Variants in GAMT observed in about 807,000 individuals in gnomAD.
The protein encoded by GAMT is epididymis secretory protein Li 20.
A neutral mutation model predicts 26.9 loss-of-function variants in GAMT; 26 were observed. That is an observed-to-expected ratio of 0.97 (90% CI 0.71 to 1.34). The LOEUF (loss-of-function observed/expected upper bound fraction) is 1.34. Ranked by LOEUF, GAMT falls within the 40% of genes most tolerant of loss-of-function variation. The pLI, the probability that GAMT is intolerant of heterozygous loss-of-function variation, is 0.00. For missense variants in GAMT, 412 were observed against 345.0 expected (o/e 1.19, Z -1.54); for synonymous variants, 169 against 149.6 (o/e 1.13, Z -0.95).
At position 1,401,342 on chromosome 19, in the gene GAMT, C is replaced by A; in HGVS notation, c.135G>T (p.Trp45Cys). 1.3e-6 allele frequency: 2 copies of A among 1,538,032 alleles called. No homozygotes were observed. Among genetic ancestry groups the A allele is most frequent in the Non-Finnish European group, 1.7e-6 (2 of 1,151,300 alleles). The change falls in exon 1 of 6, where the codon TGG (tryptophan) becomes TGT (cysteine). Residue 45 changes from tryptophan (W) to cysteine (C), a missense_variant. By Grantham distance (215) the Trp-to-Cys change is radical. Transcript: ENST00000252288. ...RILGKPVMER[W>C]ETPYMHALAA... Reference sequence around the variant, plus strand: ...CCAGCGCGTGCATATAGGGGGTCTCCCAGCGCTCCATCACCGGCTTGCCCA... The same window carrying A: ...CCAGCGCGTGCATATAGGGGGTCTCACAGCGCTCCATCACCGGCTTGCCCA...
chr19:1,399,171 AGT>A lies in GAMT; in HGVS notation c.414_415del (p.Ser140GlyfsTer50), dbSNP rs2144636856. ...GTGTGTGTGCCAGGTCTCCTCCGAG[AGT>A]GGGTACGTGTCGTACAGGATCCCTG... is the stretch of plus-strand genomic sequence containing the variant. On this transcript the variant is annotated frameshift_variant, in exon 4 of 6. Coordinates refer to ENST00000252288, the MANE Select transcript of GAMT (RefSeq NM_000156.6). LOFTEE classifies it high-confidence loss of function. The surrounding 1 kb of genome is among the most constrained non-coding windows in gnomAD (Gnocchi z 6.2). The A allele has an allele frequency of 1.2e-6, 2 of 1,613,640 alleles. No homozygotes were observed. Among genetic ancestry groups the A allele is most frequent in the Non-Finnish European group, 1.7e-6 (2 of 1,180,000 alleles).
At position 1,399,440 on chromosome 19, in the gene GAMT, C is replaced by T. The variant is rs367943071; in HGVS notation, c.391+84G>A. Reference sequence around the variant, plus strand: ...ACTTGGGCTCTGTCCCCCCAGTGCACATCAGAGGGACCCCCACAAGCAAAG... The same window carrying T: ...ACTTGGGCTCTGTCCCCCCAGTGCATATCAGAGGGACCCCCACAAGCAAAG... On this transcript the variant is annotated intron_variant, in intron 3 of 5. Coordinates refer to ENST00000252288, the MANE Select transcript of GAMT (RefSeq NM_000156.6). The surrounding 1 kb of genome is among the most constrained non-coding windows in gnomAD (Gnocchi z 6.2). 59 of 1,323,436 alleles carry T rather than the reference C, an allele frequency of 4.5e-5. 2 individuals carry two copies. The South Asian group carries it at 7.4e-4, about 17-fold the overall frequency. The allele number at this position is 1,323,436 out of a possible 1,614,324, so 82.0% of individuals were successfully genotyped here.
chr19:1,399,645 C>T lies in GAMT; in HGVS notation c.328-58G>A. ...GGTAGAGAGGTCCCCAGGATCTCCC[C>T]ACCTGCAGAAAGGGAGCGGCCAGGG... On this transcript the variant is annotated intron_variant, in intron 2 of 5. Coordinates refer to ENST00000252288, the MANE Select transcript of GAMT (RefSeq NM_000156.6). The surrounding 1 kb of genome is among the most constrained non-coding windows in gnomAD (Gnocchi z 6.2). The T allele has an allele frequency of 6.4e-7, 1 of 1,566,442 alleles. No homozygotes were observed. The highest frequency in any genetic ancestry group is 1.8e-5 in the Admixed American group (1 of 56,996).
chr19:1,397,439 C>A lies in GAMT; in HGVS notation c.631G>T (p.Val211Leu). The change falls in exon 6 of 6, where the codon GTG becomes TTG. Residue 211 changes from valine to leucine, a missense_variant. Val to Leu is a conservative substitution (Grantham distance 32). Coordinates refer to ENST00000252288, the MANE Select transcript of GAMT (RefSeq NM_000156.6). ...GFRRENIRTE[V>L]MALVPPADCR... ...TCGGCCGGTGGGACCAGCGCCATCA[C>A]CTCCGTACGGATGTTCTCCCTCCGG... 2 of 1,611,036 alleles carry A rather than the reference C, an allele frequency of 1.2e-6. No homozygotes were observed. Among genetic ancestry groups the A allele is most frequent in the Non-Finnish European group, 1.7e-6 (2 of 1,179,914 alleles).
rs768523522 is a variant in GAMT at position 1,399,552 on chromosome 19, T to A, written c.363A>T (p.Ala121=). The change falls in exon 3 of 6, where the codon GCA becomes GCT. Residue 121 remains alanine, a synonymous_variant. Transcript: ENST00000252288. This position sits in a 1 kb window ranked among gnomAD's most constrained non-coding sequence, Gnocchi z 6.2. ...CAAAGTGACCGTCAGGCAGGGTGGG[T>A]GCCACATCCTCCCACAGGCCTTTCA... The part of the protein sequence containing the change: ...IPLKGLWEDV[A]PTLPDGHFDG... 1 of 1,612,878 alleles carries A rather than the reference T, an allele frequency of 6.2e-7. No individual in the cohort carries two copies. The highest frequency in any genetic ancestry group is 8.5e-7 in the Non-Finnish European group (1 of 1,179,776).
At position 1,399,783 on chromosome 19, in the gene GAMT, A is replaced by ACAC; in HGVS notation, c.327+9_327+10insGTG. 1 of 1,555,638 alleles carries ACAC rather than the reference A, an allele frequency of 6.4e-7. No individual in the cohort carries two copies. The highest frequency in any genetic ancestry group is 8.7e-7 in the Non-Finnish European group (1 of 1,150,406). On this transcript the variant is annotated intron_variant, in intron 2 of 5. Coordinates refer to ENST00000252288, the MANE Select transcript of GAMT (RefSeq NM_000156.6). This position sits in a 1 kb window ranked among gnomAD's most constrained non-coding sequence, Gnocchi z 6.2. ...TGGGGGTCCTGGAGGGCCTGCGGGC[A>ACAC]GAGGGGCACCTTGTGTGTCTGCCGT... is the stretch of plus-strand genomic sequence containing the variant.
At position 1,399,829 on chromosome 19, in the gene GAMT, C is replaced by A. The variant is rs796052524; in HGVS notation, c.291G>T (p.Gln97His). The A allele has an allele frequency of 6.3e-6, 10 of 1,586,208 alleles. No individual in the cohort carries two copies. Among genetic ancestry groups the A allele is most frequent in the South Asian group, 1.1e-5 (1 of 87,274 alleles). ...GCCGTGGGGCCCAGTCCCGGAGCCG[C>A]TGGAAGACGCCGTCATTGCACTCGA... Reference protein sequence around the residue: ...WIIECNDGVFQRLRDWAPRQT... With the variant: ...WIIECNDGVFHRLRDWAPRQT... Residue 97 changes from glutamine (Q) to histidine (H), a missense_variant, in exon 2 of 6, where the codon CAG (glutamine) becomes CAT (histidine). Coordinates refer to ENST00000252288, the MANE Select transcript of GAMT (RefSeq NM_000156.6). This position sits in a 1 kb window ranked among gnomAD's most constrained non-coding sequence, Gnocchi z 6.2.
In GAMT at chr19:1,401,240, C is replaced by T. The variant is rs1448161632; in HGVS notation, c.181+56G>A. 12 of 1,329,028 alleles carry T rather than the reference C, an allele frequency of 9.0e-6. No homozygotes were observed. In the Admixed American group the frequency reaches 3.3e-4, roughly 37 times the overall value. 82.3% of individuals were successfully genotyped at this position (1,329,028 alleles called of 1,614,324 possible). ...TGCAGAGTCCCCGGGTCGGGGCAGC[C>T]CCGGCCTCAGTTTCCCCTGCGCCCC... On this transcript the variant is annotated intron_variant, in intron 1 of 5. Transcript: ENST00000252288.
rs759090430 is a variant in GAMT at position 1,399,955 on chromosome 19, C to T, written c.182-17G>A. 1.4e-5 allele frequency: 23 copies of T among 1,598,140 alleles called. No homozygotes were observed. The highest frequency in any genetic ancestry group is 5.6e-5 in the South Asian group (5 of 88,888). On this transcript the variant is annotated splice_polypyrimidine_tract_variant and intron_variant, in intron 1 of 5. Transcript: ENST00000252288. This position sits in a 1 kb window ranked among gnomAD's most constrained non-coding sequence, Gnocchi z 6.2. ...CCCGGCCCCCTGGGCAGACACAGGG[C>T]GCCTGGCATCACTAGGTGGGGCGGG...
chr19:1,399,577 A>G lies in GAMT; in HGVS notation c.338T>C (p.Leu113Ser). ...TGCCACATCCTCCCACAGGCCTTTCAAGGGGATGACCTTGCAGAGGGGAAA... is the reference window on the plus strand; with the variant it reads ...TGCCACATCCTCCCACAGGCCTTTCGAGGGGATGACCTTGCAGAGGGGAAA... ...APRQTHKVIP[L>S]KGLWEDVAPT... Residue 113 changes from leucine to serine, a missense_variant, in exon 3 of 6, where the codon TTG (leucine) becomes TCG (serine). Leu to Ser is a moderately radical substitution (Grantham distance 145). Transcript: ENST00000252288. This position sits in a 1 kb window ranked among gnomAD's most constrained non-coding sequence, Gnocchi z 6.2. 6.2e-7 allele frequency: 1 copy of G among 1,612,902 alleles called. No homozygotes were observed. The highest frequency in any genetic ancestry group is 8.5e-7 in the Non-Finnish European group (1 of 1,179,712).
At chr19:1,400,046 G>A (rs996569906) in intron 1 of GAMT, 108 bp from the exon 2 acceptor site, 125 of 1,362,656 alleles carry the variant, frequency 9.2e-5, no homozygotes, top group African/African-American at 1.4e-4. Context: ...CTGGAGGAGG[G>A]GGCGCAGGGC....
At position 1,399,830 on chromosome 19, in the gene GAMT, T is replaced by TG; in HGVS notation, c.289dup (p.Gln97ProfsTer30). ...CCGTGGGGCCCAGTCCCGGAGCCGC[T>TG]GGAAGACGCCGTCATTGCACTCGAT... On this transcript the variant is annotated frameshift_variant, in exon 2 of 6. Coordinates refer to ENST00000252288, the MANE Select transcript of GAMT (RefSeq NM_000156.6). LOFTEE classifies it high-confidence loss of function. This position sits in a 1 kb window ranked among gnomAD's most constrained non-coding sequence, Gnocchi z 6.2. The TG allele has an allele frequency of 1.3e-6, 2 of 1,587,464 alleles. No homozygotes were observed. The highest frequency in any genetic ancestry group is 1.7e-6 in the Non-Finnish European group (2 of 1,167,580).
Position 1,399,873 on chromosome 19 carries a change from T to C in GAMT, c.247A>G (p.Ile83Val). The C allele has an allele frequency of 6.2e-7, 1 of 1,605,640 alleles. No homozygotes were observed. Among genetic ancestry groups the C allele is most frequent in the Non-Finnish European group, 8.5e-7 (1 of 1,176,894 alleles). ...CACTCGATGATCCAATGCTCATCAA[T>C]GGGCGCCTCCTGCACCTTTGACGCT... ...IAASKVQEAP[I>V]DEHWIIECND... Residue 83 changes from isoleucine to valine, a missense_variant, in exon 2 of 6, where the codon ATT becomes GTT. Physicochemically the swap from Ile to Val is conservative, Grantham distance 29. Transcript: ENST00000252288. The surrounding 1 kb of genome is among the most constrained non-coding windows in gnomAD (Gnocchi z 6.2).
At chr19:1,401,075 G>A (rs1248339512) in intron 1 of GAMT, among the ~76,000 whole-genome samples, 1 of 152,212 alleles carries the variant, frequency 6.6e-6, no homozygotes, top group Non-Finnish European at 1.5e-5. Flanking sequence ...CCCTGGAGAG[G>A]AAGTTTCTGG....
In GAMT at chr19:1,399,486, G is replaced by A. The variant is rs753907249; in HGVS notation, c.391+38C>T. The A allele has an allele frequency of 6.3e-7, 1 of 1,583,006 alleles. No individual in the cohort carries two copies. The highest frequency in any genetic ancestry group is 1.3e-5 in the African/African-American group (1 of 74,396). ...CAAAGGAGGGGCTGCATTGGAGCTG[G>A]GGAGGCCCACCCTGTGATACGTCCC... is the stretch of plus-strand genomic sequence containing the variant. On this transcript the variant is annotated intron_variant, in intron 3 of 5. Coordinates refer to ENST00000252288, the MANE Select transcript of GAMT (RefSeq NM_000156.6). This position sits in a 1 kb window ranked among gnomAD's most constrained non-coding sequence, Gnocchi z 6.2.
chr19:1,397,459 C>T lies in GAMT; in HGVS notation c.611G>A (p.Arg204Lys). 1 of 1,609,132 alleles carries T rather than the reference C, an allele frequency of 6.2e-7. No homozygotes were observed. Among genetic ancestry groups the T allele is most frequent in the Non-Finnish European group, 8.5e-7 (1 of 1,179,904 alleles). The change falls in exon 6 of 6, where the codon AGG becomes AAG. Residue 204 changes from arginine to lysine, a missense_variant. Coordinates refer to ENST00000252288, the MANE Select transcript of GAMT (RefSeq NM_000156.6). ...CATCACCTCCGTACGGATGTTCTCC[C>T]TCCGGAAGCCGGCCTCCAGCAGCGC... ...VPALLEAGFR[R>K]ENIRTEVMAL...
At position 1,401,533 on chromosome 19, in the gene GAMT, G is replaced by T. The variant is rs1462828814; in HGVS notation, c.-57C>A. The T allele has an allele frequency of 3.4e-6, 4 of 1,188,168 alleles. No homozygotes were observed. Among genetic ancestry groups the T allele is most frequent in the Non-Finnish European group, 4.2e-6 (4 of 944,436 alleles). 73.6% of individuals were successfully genotyped at this position (1,188,168 alleles called of 1,614,324 possible). A position where few individuals can be genotyped will look rare whatever the true frequency, so the allele number is the denominator to read the frequency against. On this transcript the variant is annotated 5_prime_UTR_variant, in exon 1 of 6. Coordinates refer to ENST00000252288, the MANE Select transcript of GAMT (RefSeq NM_000156.6). ...CGCGCGCCGCCCGGGCCCGCTCCCT[G>T]CAGGGGCTTGTGGGCCGGGGGCGGG... is the stretch of plus-strand genomic sequence containing the variant.
Position 1,401,470 on chromosome 19 carries a change from C to T in GAMT, c.7G>A (p.Ala3Thr), listed in dbSNP as rs574164748. Residue 3 changes from alanine (A) to threonine (T), a missense_variant, in exon 1 of 6, where the codon GCC becomes ACC. Coordinates refer to ENST00000252288, the MANE Select transcript of GAMT (RefSeq NM_000156.6). The part of the protein sequence containing the change: MS[A>T]PSATPIFAPG... ...GCGAAGATGGGGGTCGCGCTGGGGGCGCTCATGCTGCAGGCTGGACGGCGA... is the reference window on the plus strand; with the variant it reads ...GCGAAGATGGGGGTCGCGCTGGGGGTGCTCATGCTGCAGGCTGGACGGCGA... The T allele has an allele frequency of 4.5e-5, 61 of 1,361,768 alleles. No individual in the cohort carries two copies. In the African/African-American group the frequency reaches 7.3e-4, roughly 16 times the overall value. 84.4% of individuals were successfully genotyped at this position (1,361,768 alleles called of 1,614,324 possible).
intron 5 of GAMT, chr19:1,398,623 T>A (rs1274035531): frequency 5.7e-6 from 5 of 883,660 alleles, no homozygotes; most frequent in Non-Finnish European, 8.4e-6. Context: ...TTTTTTTTTT[T>A]AGGAAAGATG....
Sources: gnomAD v4.1 joint callset for allele counts (sites outside exome capture counted in the v4.1 genomes callset) on GRCh38, gnomAD v4.1.1 for gene constraint, Gnocchi (gnomAD v3.1) non-coding constraint, MANE v1.5 for transcripts, NCBI Gene and HGNC (gene_info 2026-07-23, HGNC 2026-07-21) for gene names.